Variants in FHIT observed in about 807,000 individuals in gnomAD.
The protein encoded by FHIT is bis(5'-adenosyl)-triphosphatase.
FHIT carries 19 observed loss-of-function variants against 17.9 expected under a neutral mutation model. The ratio of observed to expected loss-of-function variants is 1.06; its 90% CI spans 0.74 to 1.56. FHIT has a LOEUF of 1.56. Among genes scored for constraint, FHIT ranks in the 40% most tolerant of loss-of-function variants. FHIT has a pLI of 0.00. For missense variants in FHIT, 248 were observed against 189.2 expected (o/e 1.31, Z -1.82); for synonymous variants, 81 against 69.7 (o/e 1.16, Z -0.81).
intron 3 of FHIT, among the ~76,000 whole-genome samples, chr3:61,036,823 C>A (rs187083092): frequency 6.6e-6 from 1 of 151,678 alleles, no homozygotes; most frequent in Non-Finnish European, 1.5e-5. Context: ...ATCAATTACC[C>A]GAGAGTTCTG....
chr3:60,927,159 C>T (rs375884199), intron 3 of FHIT, among the ~76,000 whole-genome samples: 4 of 152,178 alleles, frequency 2.6e-5, no homozygotes, highest in African/African-American at 9.7e-5. Flanking sequence ...GCTGCTAAGC[C>T]TGACTGGTTT....
intron 5 of FHIT, among the ~76,000 whole-genome samples, chr3:60,425,622 G>A (rs1702634125): frequency 6.6e-6 from 1 of 152,008 alleles, no homozygotes; most frequent in Admixed American, 6.6e-5. Flanking sequence ...ATAGTTCTCA[G>A]AACTATGATG....
chr3:60,479,083 G>A (rs1027603320), intron 5 of FHIT, among the ~76,000 whole-genome samples: 8 of 152,190 alleles, frequency 5.3e-5, no homozygotes, highest in African/African-American at 1.9e-4. Context: ...GCCTTAGGGA[G>A]AAAAGAGATT....
intron 4 of FHIT, among the ~76,000 whole-genome samples, chr3:60,549,626 G>T (rs2036480773): frequency 6.6e-6 from 1 of 152,054 alleles, no homozygotes; most frequent in Non-Finnish European, 1.5e-5. Flanking sequence ...TTAATGCCAG[G>T]CATTCTCTAA....
chr3:61,169,392 A>G (rs367573197), intron 2 of FHIT, among the ~76,000 whole-genome samples: 18 of 152,326 alleles, frequency 1.2e-4, no homozygotes, highest in East Asian at 5.8e-4. Flanking sequence ...CTCAAATCAT[A>G]TAAGTAAAAT....
intron 5 of FHIT, among the ~76,000 whole-genome samples, chr3:60,087,852 C>T (rs1703562027): frequency 6.6e-6 from 1 of 152,174 alleles, no homozygotes; most frequent in South Asian, 2.1e-4. Flanking sequence ...TCTGAGACCT[C>T]CAAACTCTTC....
intron 8 of FHIT, among the ~76,000 whole-genome samples, chr3:59,872,470 G>A (rs577494905): frequency 2.0e-5 from 3 of 152,286 alleles, no homozygotes; most frequent in East Asian, 3.9e-4. Flanking sequence ...AACGGCTTTG[G>A]TAAAGGAGAA....
intron 3 of FHIT, among the ~76,000 whole-genome samples, chr3:61,015,008 C>T (rs2032028890): frequency 6.6e-6 from 1 of 151,168 alleles, no homozygotes; most frequent in African/African-American, 2.4e-5. Flanking sequence ...AAAGGAGCTA[C>T]AAAACAATGA....
At chr3:60,714,737 G>A (rs1194153099) in intron 4 of FHIT, among the ~76,000 whole-genome samples, 1 of 152,092 alleles carries the variant, frequency 6.6e-6, no homozygotes, top group African/African-American at 2.4e-5. Flanking sequence ...GGGACGTGAA[G>A]GACCTCTTCA....
At chr3:59,807,285 C>T (rs1003303490) in intron 8 of FHIT, among the ~76,000 whole-genome samples, 12 of 152,084 alleles carry the variant, frequency 7.9e-5, no homozygotes, top group Non-Finnish European at 1.3e-4. Context: ...GGTTGGGGTG[C>T]GGAAGATCTA....
rs547427295 is a variant in FHIT at position 61,173,205 on chromosome 3, G to A, written c.-164+27412C>T. ...AACCTAGAAGTTCATAATCCATCCT[G>A]TCATCTTTCGTGTGTGGAACCATGA... On this transcript the variant is annotated intron_variant, in intron 2 of 9. Transcript: ENST00000492590. Among the ~76,000 whole-genome samples the A allele has an allele frequency of 7.0e-4, 106 of 152,040 alleles. 2 individuals are homozygous for A. The highest frequency in any genetic ancestry group is 2.4e-4 in the Non-Finnish European group (16 of 67,972).
intron 8 of FHIT, among the ~76,000 whole-genome samples, chr3:59,833,430 C>G (rs1453810026): frequency 1.3e-5 from 2 of 152,154 alleles, no homozygotes; most frequent in Non-Finnish European, 1.5e-5. Context: ...CAAGGAACAT[C>G]AAAGATCGCT....
chr3:61,243,117 C>G (rs2040410840), intron 1 of FHIT, among the ~76,000 whole-genome samples: 1 of 152,178 alleles, frequency 6.6e-6, no homozygotes, highest in Non-Finnish European at 1.5e-5. Flanking sequence ...TGAACGAGGA[C>G]AGCTTGGAGG....
intron 4 of FHIT, among the ~76,000 whole-genome samples, chr3:60,790,711 T>C (rs1182107144): frequency 1.3e-5 from 2 of 152,196 alleles, no homozygotes; most frequent in East Asian, 3.8e-4. Flanking sequence ...AACTATTCTG[T>C]ATGATACTAC....
intron 5 of FHIT, among the ~76,000 whole-genome samples, chr3:60,308,500 A>ATATG (rs1423383042): frequency 6.6e-5 from 1 of 15,180 alleles, no homozygotes; most frequent in Non-Finnish European, 1.1e-4. Context: ...GTATGTGTAT[A>ATATG]TATATATATA....
At chr3:60,323,635 C>T (rs1709533765) in intron 5 of FHIT, among the ~76,000 whole-genome samples, 1 of 152,072 alleles carries the variant, frequency 6.6e-6, no homozygotes, top group Admixed American at 6.6e-5. Context: ...TGCTCACATC[C>T]CTGTGCCTCC....
chr3:60,955,801 A>G (rs1553778681), intron 3 of FHIT, among the ~76,000 whole-genome samples: 2 of 151,942 alleles, frequency 1.3e-5, no homozygotes, highest in African/African-American at 4.8e-5. Flanking sequence ...ACTTCAGTAG[A>G]TGGTAATGTT....
intron 2 of FHIT, among the ~76,000 whole-genome samples, chr3:61,102,434 T>C (rs1239281443): frequency 6.6e-6 from 1 of 152,224 alleles, no homozygotes; most frequent in Admixed American, 6.5e-5. Context: ...GGCTTTTTGA[T>C]GTGTTGATGG....
chr3:60,116,227 T>A (rs574769008), intron 5 of FHIT, among the ~76,000 whole-genome samples: 6 of 152,154 alleles, frequency 3.9e-5, no homozygotes, highest in Non-Finnish European at 8.8e-5. Context: ...AAGGCTGTAA[T>A]GTAAGTAAAG....
Sources: gnomAD v4.1 joint callset for allele counts (sites outside exome capture counted in the v4.1 genomes callset) on GRCh38, gnomAD v4.1.1 for gene constraint, MANE v1.5 for transcripts, NCBI Gene and HGNC (gene_info 2026-07-23, HGNC 2026-07-21) for gene names.